The following TRPC4AP variants were observed in gnomAD, a reference collection of about 807,000 sequenced individuals.
TRPC4AP encodes the protein transient receptor potential cation channel subfamily C member 4 associated protein.
TRPC4AP carries 45 observed loss-of-function variants against 99.0 expected under a neutral mutation model. The observed-to-expected ratio is 0.45, with a 90% CI of 0.36 to 0.58. The LOEUF (loss-of-function observed/expected upper bound fraction) is 0.58, where lower values mean the gene tolerates loss of function less well. TRPC4AP is among the 20% of genes least tolerant of loss of function. TRPC4AP has a pLI of 0.00. For missense variants in TRPC4AP, 879 were observed against 985.3 expected, an observed-to-expected ratio of 0.89 and a Z score of 1.44; for synonymous variants, 408 against 385.8, an observed-to-expected ratio of 1.06 and a Z score of -0.67.
At position 35,086,469 on chromosome 20, in the gene TRPC4AP, GTGTGTGTATGTGTGTGTATA is replaced by G. The variant is rs1228728180; in HGVS notation, c.168+6125_168+6144del. 3.4e-4 allele frequency among the ~76,000 whole-genome samples: 24 copies of G among 69,566 alleles called. 1 individual carries two copies. Among genetic ancestry groups the G allele is most frequent in the African/African-American group, 1.1e-3 (23 of 21,738 alleles). The allele number at this position is 69,566 out of a possible 152,430, so 45.6% of individuals were successfully genotyped here. ...TGTGTGTGTGTGTGTGTGTGTGTGT[GTGTGTGTATGTGTGTGTATA>G]TATATATGTGTATATATATGTGTGT... On this transcript the variant is annotated intron_variant, in intron 1 of 18. Coordinates refer to ENST00000252015, the MANE Select transcript of TRPC4AP (RefSeq NM_015638.3).
intron 3 of TRPC4AP, among the ~76,000 whole-genome samples, chr20:35,068,479 T>G (rs2084202563): frequency 6.6e-6 from 1 of 152,152 alleles, no homozygotes; most frequent in Non-Finnish European, 1.5e-5. Flanking sequence ...TAAATGCCAG[T>G]CAACTGGGGC....
intron 1 of TRPC4AP, among the ~76,000 whole-genome samples, chr20:35,083,446 CA>C (rs961998136): frequency 1.2e-3 from 172 of 138,494 alleles, no homozygotes; most frequent in Middle Eastern, 7.4e-3. Context: ...CTAAAAATAC[CA>C]AAAAAAAAAA....
chr20:35,048,904 A>G (rs2083625726), intron 6 of TRPC4AP, among the ~76,000 whole-genome samples: 1 of 152,218 alleles, frequency 6.6e-6, no homozygotes, highest in Non-Finnish European at 1.5e-5. Context: ...CACATCTCCA[A>G]TGTGTTCCTA....
intron 1 of TRPC4AP, among the ~76,000 whole-genome samples, chr20:35,089,576 C>T (rs543225213): frequency 1.7e-3 from 252 of 152,092 alleles, no homozygotes; most frequent in Non-Finnish European, 2.7e-3. Context: ...TTTGGCTAGG[C>T]GCAGTGGCTC....
intron 6 of TRPC4AP, among the ~76,000 whole-genome samples, chr20:35,045,277 CT>C (rs1254485398): frequency 2.0e-5 from 3 of 152,192 alleles, no homozygotes; most frequent in Non-Finnish European, 4.4e-5. Context: ...TGATACCATA[CT>C]ATACCTTACT....
intron 14 of TRPC4AP, 100 bp downstream of exon 14, chr20:35,007,450 G>C (rs2082537792): frequency 8.0e-7 from 1 of 1,256,798 alleles, no homozygotes; most frequent in Non-Finnish European, 1.1e-6. Context: ...CACGAGATCT[G>C]CTCTGCTCCT....
chr20:35,081,124 G>A (rs2084634393), intron 1 of TRPC4AP, among the ~76,000 whole-genome samples: 1 of 151,966 alleles, frequency 6.6e-6, no homozygotes, highest in Non-Finnish European at 1.5e-5. Context: ...ACAAAGGATA[G>A]GACATTAAAA....
chr20:35,003,311 C>T (rs765387701), intron 18 of TRPC4AP, 28 bp from the exon 19 acceptor site: 18 of 1,612,842 alleles, frequency 1.1e-5, no homozygotes, highest in South Asian at 3.3e-5. Context: ...GGCTGGGGGG[C>T]GCCTGGAGGA....
chr20:35,066,854 A>G (rs1249075465), intron 3 of TRPC4AP, among the ~76,000 whole-genome samples: 1 of 152,202 alleles, frequency 6.6e-6, no homozygotes, highest in Non-Finnish European at 1.5e-5. Context: ...AAGCACTTAC[A>G]GATCAATAAG....
chr20:35,048,754 C>T (rs1233025935), intron 6 of TRPC4AP, among the ~76,000 whole-genome samples: 2 of 152,190 alleles, frequency 1.3e-5, no homozygotes, highest in Non-Finnish European at 1.5e-5. Flanking sequence ...CACTTCTAGA[C>T]TCCTATGCTG....
chr20:35,022,668 C>T (rs577462600), intron 8 of TRPC4AP, among the ~76,000 whole-genome samples: 2 of 152,148 alleles, frequency 1.3e-5, no homozygotes, highest in South Asian at 4.1e-4. Flanking sequence ...CAGATATATT[C>T]AGGTAAGGCT....
At chr20:35,028,148 C>A (rs117046905) in intron 8 of TRPC4AP, among the ~76,000 whole-genome samples, 2 of 152,084 alleles carry the variant, frequency 1.3e-5, no homozygotes, top group African/African-American at 4.8e-5. Flanking sequence ...CCTCTAAGCA[C>A]GCTTTAGCTG....
intron 8 of TRPC4AP, among the ~76,000 whole-genome samples, chr20:35,033,434 C>T (rs1204803012): frequency 6.6e-6 from 1 of 152,152 alleles, no homozygotes; most frequent in Non-Finnish European, 1.5e-5. Context: ...CTAGCTCTTT[C>T]CATGATCTCT....
chr20:35,019,691 G>GCACT (rs776338352), intron 9 of TRPC4AP, among the ~76,000 whole-genome samples: 3 of 152,082 alleles, frequency 2.0e-5, no homozygotes, highest in African/African-American at 4.8e-5. Flanking sequence ...AAAAGTAATA[G>GCACT]CACTCAATGC....
At chr20:35,060,000 T>TA (rs1202307701) in intron 3 of TRPC4AP, among the ~76,000 whole-genome samples, 24 of 150,754 alleles carry the variant, frequency 1.6e-4, no homozygotes, top group South Asian at 8.4e-4. Flanking sequence ...CTTAGTGATT[T>TA]AAAAAAAAAC....
intron 8 of TRPC4AP, among the ~76,000 whole-genome samples, chr20:35,028,099 A>G (rs2083072722): frequency 6.6e-6 from 1 of 152,070 alleles, no homozygotes; most frequent in Non-Finnish European, 1.5e-5. Flanking sequence ...GGCAATTTAG[A>G]TTTATTTAAA....
intron 1 of TRPC4AP, among the ~76,000 whole-genome samples, chr20:35,080,559 T>G (rs951725369): frequency 3.2e-5 from 4 of 124,234 alleles, no homozygotes; most frequent in Non-Finnish European, 7.0e-5. Context: ...AAAAAAAACC[T>G]AAAAGAAGCC....
intron 4 of TRPC4AP, among the ~76,000 whole-genome samples, chr20:35,055,732 C>T (rs2083811595): frequency 6.6e-6 from 1 of 152,226 alleles, no homozygotes; most frequent in Non-Finnish European, 1.5e-5. Context: ...GAAAGTTCTA[C>T]TGCAGCAAAC....
chr20:35,041,239 C>T (rs1382195962), intron 7 of TRPC4AP, among the ~76,000 whole-genome samples: 1 of 133,182 alleles, frequency 7.5e-6, no homozygotes, highest in Non-Finnish European at 1.7e-5. Context: ...ACTACTGGAG[C>T]GCAATTCAAG....
Sources: allele counts gnomAD v4.1 joint callset (sites outside exome capture counted in the v4.1 genomes callset), GRCh38; gene constraint gnomAD v4.1.1; transcripts MANE v1.5; gene names NCBI Gene and HGNC (gene_info 2026-07-23, HGNC 2026-07-21).